The following CARD10 variants were observed in gnomAD, a reference collection of about 807,000 sequenced individuals.
The protein encoded by CARD10 is caspase recruitment domain-containing protein 10.
CARD10 carries 49 observed loss-of-function variants against 114.6 expected under a neutral mutation model. The observed-to-expected ratio is 0.43, with a 90% CI of 0.34 to 0.54. The LOEUF is 0.54. CARD10 is among the 20% of genes least tolerant of loss of function. The probability of loss-of-function intolerance (pLI) is 0.03; values close to 1 mark genes in which losing one functional copy is unlikely to be tolerated. For synonymous variants in CARD10, 602 were observed against 593.2 expected (o/e 1.01, Z -0.21); for missense variants, 1,206 against 1,397.2 (o/e 0.86, Z 2.18).
rs555922185 is a variant in CARD10 at position 37,515,901 on chromosome 22, A to C, written c.699+72T>G. 23 of 1,273,538 alleles carry C rather than the reference A, an allele frequency of 1.8e-5. No homozygotes were observed. The South Asian group carries it at 2.8e-4, about 16-fold the overall frequency. 78.9% of individuals were successfully genotyped at this position (1,273,538 alleles called of 1,614,324 possible). On this transcript the variant is annotated intron_variant, in intron 3 of 19. Coordinates refer to ENST00000251973, the MANE Select transcript of CARD10 (RefSeq NM_014550.4). ...GCCAGCAATGGTGGCTCTGGGACACAGGCTGGCTGGCTACTACATTGCAAA... is the reference window on the plus strand; with the variant it reads ...GCCAGCAATGGTGGCTCTGGGACACCGGCTGGCTGGCTACTACATTGCAAA...
At chr22:37,500,107 G>A (rs1923158511) in intron 11 of CARD10, among the ~76,000 whole-genome samples, 1 of 152,308 alleles carries the variant, frequency 6.6e-6, no homozygotes, top group Non-Finnish European at 1.5e-5. Context: ...CTTGGTACCA[G>A]GTCAGGGACC....
At position 37,506,186 on chromosome 22, in the gene CARD10, G is replaced by A. The variant is rs374177056; in HGVS notation, c.1383+6C>T. On this transcript the variant is annotated splice_donor_region_variant and intron_variant, in intron 7 of 19. Coordinates refer to ENST00000251973, the MANE Select transcript of CARD10 (RefSeq NM_014550.4). ...GCCAGGACCTCCACAATCTTGACCCGCTCACCTTGAGGCAGGTGCCACCCT... is the reference window on the plus strand; with the variant it reads ...GCCAGGACCTCCACAATCTTGACCCACTCACCTTGAGGCAGGTGCCACCCT... 4.5e-5 allele frequency: 68 copies of A among 1,527,516 alleles called. No homozygotes were observed. The highest frequency in any genetic ancestry group is 3.2e-4 in the Admixed American group (17 of 52,618). The allele number at this position is 1,527,516 out of a possible 1,614,324, so 94.6% of individuals were successfully genotyped here.
Position 37,492,850 on chromosome 22 carries a change from C to T in CARD10, c.2477-48G>A, listed in dbSNP as rs1242522918. The stretch of plus-strand genomic sequence containing the variant: ...AAGAGATAAGGGCACAGGCAGGCAG[C>T]ATACCAGCTCGTCGATACCCCAAAA... On this transcript the variant is annotated intron_variant, in intron 16 of 19. Coordinates refer to ENST00000251973, the MANE Select transcript of CARD10 (RefSeq NM_014550.4). This position sits in a 1 kb window ranked among gnomAD's most constrained non-coding sequence, Gnocchi z 5.7. 1.3e-6 allele frequency: 2 copies of T among 1,581,688 alleles called. No individual in the cohort carries two copies. The highest frequency in any genetic ancestry group is 1.7e-6 in the Non-Finnish European group (2 of 1,167,760).
intron 9 of CARD10, among the ~76,000 whole-genome samples, 156 bp from the exon 10 acceptor site, chr22:37,503,369 T>C (rs1923289040): frequency 6.6e-6 from 1 of 152,150 alleles, no homozygotes; most frequent in South Asian, 2.1e-4. Context: ...AGGGCACCCA[T>C]GCCACCTGGC....
chr22:37,492,480 A>C lies in CARD10; in HGVS notation c.2706T>G (p.Pro902=). Residue 902 remains proline, a synonymous_variant, in exon 18 of 20, where the codon CCT becomes CCG. Coordinates refer to ENST00000251973, the MANE Select transcript of CARD10 (RefSeq NM_014550.4). This position sits in a 1 kb window ranked among gnomAD's most constrained non-coding sequence, Gnocchi z 5.7. ...PGAPKAQPAT[P]GLGSRIRAIQ... ...TGGCCCGGATCCTGCTGCCTAGCCC[A>C]GGGGTGGCAGGCTGAGCCTTGGGGG... 6.2e-7 allele frequency: 1 copy of C among 1,601,840 alleles called. No individual in the cohort carries two copies. The highest frequency in any genetic ancestry group is 1.3e-5 in the African/African-American group (1 of 74,792).
intron 19 of CARD10, among the ~76,000 whole-genome samples, 172 bp from the exon 20 acceptor site, chr22:37,491,565 CGGGGG>C (rs1922781130): frequency 1.6e-3 from 2 of 1,242 alleles, no homozygotes; most frequent in African/African-American, 7.1e-3. Context: ...GAGGGAGAGA[CGGGGG>C]AGGGAGGGGG....
chr22:37,507,184 G>A (rs973198793), intron 6 of CARD10, among the ~76,000 whole-genome samples: 1 of 152,246 alleles, frequency 6.6e-6, no homozygotes, highest in Non-Finnish European at 1.5e-5. Flanking sequence ...GGCTGAGGCA[G>A]GAGAATCACT....
chr22:37,519,363 C>G lies in CARD10; in HGVS notation c.-163G>C. The G allele has an allele frequency of 3.2e-6, 4 of 1,230,960 alleles. No individual in the cohort carries two copies. The highest frequency in any genetic ancestry group is 4.1e-6 in the Non-Finnish European group (4 of 987,448). The allele number at this position is 1,230,960 out of a possible 1,614,324, so 76.3% of individuals were successfully genotyped here. Reference sequence around the variant, plus strand: ...CTCACCCCGCACGCTACAGTCGCCTCGGGCTCCCGGGTCCGCACTCGGGCG... The same window carrying G: ...CTCACCCCGCACGCTACAGTCGCCTGGGGCTCCCGGGTCCGCACTCGGGCG... On this transcript the variant is annotated 5_prime_UTR_variant, in exon 1 of 20. Coordinates refer to ENST00000251973, the MANE Select transcript of CARD10 (RefSeq NM_014550.4). This position sits in a 1 kb window ranked among gnomAD's most constrained non-coding sequence, Gnocchi z 4.1.
Position 37,518,981 on chromosome 22 carries a change from G to A in CARD10, c.220C>T (p.Arg74Cys). ...EVLSTYRFPC[R>C]VNRTGRLMDI... ...CGCGGCTCACCGGTGCGGTTGACGC[G>A]GCACGGGAAGCGGTAGGTGCTCAGC... Residue 74 changes from arginine (R) to cysteine (C), a missense_variant, in exon 1 of 20, where the codon CGC becomes TGC. By Grantham distance (180) the Arg-to-Cys change is radical. Transcript: ENST00000251973. 1.3e-6 allele frequency: 2 copies of A among 1,548,708 alleles called. No homozygotes were observed. The highest frequency in any genetic ancestry group is 8.7e-7 in the Non-Finnish European group (1 of 1,150,696).
At position 37,519,293 on chromosome 22, in the gene CARD10, C is replaced by T. The variant is rs908639738; in HGVS notation, c.-93G>A. 3.4e-5 allele frequency: 46 copies of T among 1,354,470 alleles called. No individual in the cohort carries two copies. The highest frequency in any genetic ancestry group is 2.1e-4 in the Admixed American group (6 of 28,102). The allele number at this position is 1,354,470 out of a possible 1,614,324, so 83.9% of individuals were successfully genotyped here. A position where few individuals can be genotyped will look rare whatever the true frequency, so the allele number is the denominator to read the frequency against. On this transcript the variant is annotated 5_prime_UTR_variant, in exon 1 of 20. Transcript: ENST00000251973. This position sits in a 1 kb window ranked among gnomAD's most constrained non-coding sequence, Gnocchi z 4.1. ...GTGCGGCCAAGCACCCCCGGGGCGT[C>T]GTCCGCAGACCCGCCGTCGGGGGCG...
chr22:37,493,583 G>A (rs564438293), intron 16 of CARD10, among the ~76,000 whole-genome samples: 2 of 152,172 alleles, frequency 1.3e-5, no homozygotes, highest in African/African-American at 4.8e-5. Context: ...TGCCTGGAAC[G>A]AACTCCTCTT....
At chr22:37,502,250 G>A (rs1037588714) in intron 11 of CARD10, among the ~76,000 whole-genome samples, 2 of 152,226 alleles carry the variant, frequency 1.3e-5, no homozygotes, top group Admixed American at 1.3e-4. Context: ...ACATTGGGAC[G>A]AGGACAGCTT....
chr22:37,515,617 T>C (rs1467028121), intron 3 of CARD10, among the ~76,000 whole-genome samples: 1 of 151,578 alleles, frequency 6.6e-6, no homozygotes, highest in Non-Finnish European at 1.5e-5. Flanking sequence ...CAGTGTTTCT[T>C]GGCCCCGGCC....
intron 1 of CARD10, among the ~76,000 whole-genome samples, chr22:37,518,700 C>G (rs1464408567): frequency 6.6e-6 from 1 of 152,200 alleles, no homozygotes; most frequent in East Asian, 1.9e-4. Context: ...CCACATCCAA[C>G]CTTCTGCTCT....
intron 11 of CARD10, among the ~76,000 whole-genome samples, chr22:37,499,412 T>C (rs2145758147): frequency 6.6e-6 from 1 of 152,200 alleles, no homozygotes; most frequent in African/African-American, 2.4e-5. Context: ...TTTCCCCACC[T>C]GTTTCAAACC....
chr22:37,508,517 AG>A lies in CARD10; in HGVS notation c.1065+9del. On this transcript the variant is annotated intron_variant, in intron 5 of 19. Transcript: ENST00000251973. ...CCCGCACAAGGGGCAGGGCACGGGC[AG>A]GGCCCCACCTGGTCGCGCAGCTCCT... 1 of 1,582,942 alleles carries A rather than the reference AG, an allele frequency of 6.3e-7. No homozygotes were observed.
intron 3 of CARD10, among the ~76,000 whole-genome samples, chr22:37,515,511 C>T (rs907430803): frequency 4.1e-5 from 6 of 146,044 alleles, no homozygotes; most frequent in South Asian, 2.2e-4. Context: ...TGCAAGGAGC[C>T]GAGATCACAC....
intron 7 of CARD10, 34 bp from the exon 8 acceptor site, chr22:37,504,803 A>C: frequency 7.2e-7 from 1 of 1,398,492 alleles, no homozygotes. Flanking sequence ...GGAGGTGAGC[A>C]GTGCTAGGCC....
Position 37,491,831 on chromosome 22 carries a change from G to T in CARD10, c.2788C>A (p.Arg930=). ...CLLELGARGV[R]ELVQNEIYPI... ...TAGATCTCGTTCTGCACCAGCTCCC[G>T]CACACCCCGAGCACCCAGCTCCAGC... The change falls in exon 19 of 20, where the codon CGG becomes AGG. Residue 930 remains arginine, a synonymous_variant. Coordinates refer to ENST00000251973, the MANE Select transcript of CARD10 (RefSeq NM_014550.4). 1 of 1,392,512 alleles carries T rather than the reference G, an allele frequency of 7.2e-7. No homozygotes were observed. 86.3% of individuals were successfully genotyped at this position (1,392,512 alleles called of 1,614,324 possible).
Sources: allele counts gnomAD v4.1 joint callset (sites outside exome capture counted in the v4.1 genomes callset), GRCh38; gene constraint gnomAD v4.1.1; non-coding constraint Gnocchi (gnomAD v3.1); transcripts MANE v1.5; gene names NCBI Gene and HGNC (gene_info 2026-07-23, HGNC 2026-07-21).